Variants in AGBL4 observed in about 807,000 individuals in gnomAD.
AGBL4 encodes AGBL carboxypeptidase 4.
A neutral mutation model predicts 66.4 loss-of-function variants in AGBL4; 58 were observed. The observed-to-expected ratio is 0.87, with a 90% confidence interval of 0.71 to 1.09. The LOEUF (loss-of-function observed/expected upper bound fraction) is 1.09. Ranked by LOEUF, AGBL4 falls within the 50% of genes least tolerant of loss-of-function variation. The pLI is 0.00. For synonymous variants in AGBL4, 234 were observed against 222.9 expected (o/e 1.05, Z -0.44); for missense variants, 579 against 631.0 (o/e 0.92, Z 0.88).
At chr1:48,909,938 T>C (rs776582891) in intron 5 of AGBL4, among the ~76,000 whole-genome samples, 54 of 152,216 alleles carry the variant, frequency 3.5e-4, no homozygotes, top group Non-Finnish European at 5.4e-4. Context: ...CACTAAATCC[T>C]CTTGCTTTTC....
chr1:49,091,607 G>C lies in AGBL4; in HGVS notation c.378-45807C>G, dbSNP rs538715657. 1.4e-4 allele frequency among the ~76,000 whole-genome samples: 21 copies of C among 152,200 alleles called. No individual in the cohort carries two copies. The South Asian group carries it at 1.7e-3, about 12-fold the overall frequency. On this transcript the variant is annotated intron_variant, in intron 4 of 13. Coordinates refer to ENST00000371839, the MANE Select transcript of AGBL4 (RefSeq NM_032785.4). ...GAAATGGAAATAGTTCAACTACTGT[G>C]GAAAGCAGTATGGTGATTTCCCAAA... is the stretch of plus-strand genomic sequence containing the variant.
At chr1:49,434,441 A>G (rs1264891910) in intron 3 of AGBL4, among the ~76,000 whole-genome samples, 1 of 152,168 alleles carries the variant, frequency 6.6e-6, no homozygotes, top group Non-Finnish European at 1.5e-5. Flanking sequence ...AAGCCACTCA[A>G]ATGGGCCTTT....
Position 48,759,170 on chromosome 1 carries a change from C to A in AGBL4, c.635-95929G>T, listed in dbSNP as rs774501741. ...GTGCCTGGCGAGGCCTCCACGAAGA[C>A]CTCTTCCGGACACGTGCTATGGCCC... On this transcript the variant is annotated intron_variant, in intron 6 of 13. Coordinates refer to ENST00000371839, the MANE Select transcript of AGBL4 (RefSeq NM_032785.4). 1.9e-6 allele frequency: 3 copies of A among 1,614,164 alleles called. No individual in the cohort carries two copies. In the Admixed American group the frequency reaches 5.0e-5, roughly 27 times the overall value.
At chr1:48,888,574 T>G (rs1650597556) in intron 5 of AGBL4, among the ~76,000 whole-genome samples, 1 of 152,190 alleles carries the variant, frequency 6.6e-6, no homozygotes, top group Non-Finnish European at 1.5e-5. Context: ...GCAAACTGCC[T>G]GCTTCCCCTA....
intron 1 of AGBL4, among the ~76,000 whole-genome samples, chr1:49,971,237 G>T (rs773163954): frequency 2.6e-5 from 4 of 152,066 alleles, no homozygotes; most frequent in Non-Finnish European, 5.9e-5. Flanking sequence ...GATATCTTGC[G>T]CAGTCCTGTG....
chr1:49,157,038 T>C (rs1298842690), intron 4 of AGBL4, among the ~76,000 whole-genome samples: 1 of 152,196 alleles, frequency 6.6e-6, no homozygotes, highest in East Asian at 1.9e-4. Flanking sequence ...ATATTTATGA[T>C]TTTCATTCTT....
At chr1:49,994,286 A>G (rs560977244) in intron 1 of AGBL4, 1 of 149,584 alleles carries the variant, frequency 6.7e-6, no homozygotes, top group South Asian at 2.1e-4. Flanking sequence ...AGACAATACA[A>G]TGTGTTGAAC....
intron 1 of AGBL4, among the ~76,000 whole-genome samples, chr1:49,864,867 C>T (rs962527442): frequency 6.6e-5 from 10 of 152,220 alleles, no homozygotes; most frequent in African/African-American, 1.9e-4. Flanking sequence ...GCTGCTGGGG[C>T]GAGGGGAGGC....
Position 49,851,517 on chromosome 1 carries a change from G to A in AGBL4, c.36C>T (p.Gly12=), listed in dbSNP as rs1366016493. ...AEGSQSAPEA[G]NDMGNDDAIG... ...TGGCATCATCATTTCCCATATCATT[G>A]CCTATTTAAAAAAATTGAAATAAAA... The change falls in exon 2 of 14, where the codon GGC becomes GGT. Residue 12 remains glycine (G), a splice_region_variant and synonymous_variant. Coordinates refer to ENST00000371839, the MANE Select transcript of AGBL4 (RefSeq NM_032785.4). The A allele has an allele frequency of 5.8e-6, 9 of 1,542,402 alleles. No individual in the cohort carries two copies. The Admixed American group carries it at 1.8e-4, about 32-fold the overall frequency.
chr1:49,951,206 G>A (rs1396884555), intron 1 of AGBL4, among the ~76,000 whole-genome samples: 1 of 151,814 alleles, frequency 6.6e-6, no homozygotes, highest in Non-Finnish European at 1.5e-5. Context: ...AAATTGCTAA[G>A]TGAGTAGATC....
intron 3 of AGBL4, among the ~76,000 whole-genome samples, chr1:49,582,321 C>A (rs917081218): frequency 6.6e-6 from 1 of 152,194 alleles, no homozygotes; most frequent in Non-Finnish European, 1.5e-5. Flanking sequence ...TGAGGTCCTT[C>A]CACAAGGTAG....
At chr1:49,680,578 T>C (rs528278795) in intron 3 of AGBL4, among the ~76,000 whole-genome samples, 2 of 152,270 alleles carry the variant, frequency 1.3e-5, no homozygotes, top group African/African-American at 4.8e-5. Context: ...TCTCTTATTA[T>C]AAAGCCTCTA....
At chr1:48,798,566 T>A (rs535132280) in intron 6 of AGBL4, among the ~76,000 whole-genome samples, 3 of 152,332 alleles carry the variant, frequency 2.0e-5, no homozygotes, top group African/African-American at 7.2e-5. Context: ...TTTGCTTTCC[T>A]GATCATGAAC....
intron 3 of AGBL4, among the ~76,000 whole-genome samples, chr1:49,315,137 A>G (rs751320286): frequency 8.5e-5 from 13 of 152,150 alleles, no homozygotes; most frequent in Non-Finnish European, 1.8e-4. Flanking sequence ...AAAACAAGCA[A>G]TGGGGAAAGC....
intron 3 of AGBL4, among the ~76,000 whole-genome samples, chr1:49,693,358 C>T (rs914315476): frequency 6.6e-6 from 1 of 151,978 alleles, no homozygotes; most frequent in Non-Finnish European, 1.5e-5. Flanking sequence ...ATAACAACAA[C>T]AAATGGAAAA....
intron 2 of AGBL4, among the ~76,000 whole-genome samples, chr1:49,763,100 T>C (rs555899887): frequency 3.9e-4 from 60 of 152,356 alleles, no homozygotes; most frequent in Admixed American, 1.3e-3. Flanking sequence ...TTCTTCTGCA[T>C]ATAGTTATCT....
At chr1:49,840,121 T>C (rs1645954267) in intron 2 of AGBL4, among the ~76,000 whole-genome samples, 1 of 152,104 alleles carries the variant, frequency 6.6e-6, no homozygotes, top group African/African-American at 2.4e-5. Flanking sequence ...TGGTTGGTAG[T>C]CTTTTTATTA....
At chr1:48,818,964 G>A (rs541867131) in intron 6 of AGBL4, among the ~76,000 whole-genome samples, 20 of 152,228 alleles carry the variant, frequency 1.3e-4, no homozygotes, top group African/African-American at 4.6e-4. Context: ...CTGCATCATG[G>A]AAATATATTT....
chr1:48,917,103 T>C (rs1237506626), intron 5 of AGBL4, among the ~76,000 whole-genome samples: 1 of 152,178 alleles, frequency 6.6e-6, no homozygotes, highest in Non-Finnish European at 1.5e-5. Context: ...AGAAAATATG[T>C]AGTTCTAGTA....
Sources: allele counts gnomAD v4.1 joint callset (sites outside exome capture counted in the v4.1 genomes callset), GRCh38; gene constraint gnomAD v4.1.1; transcripts MANE v1.5; gene names NCBI Gene and HGNC (gene_info 2026-07-23, HGNC 2026-07-21).